Variants in SLC13A4 observed in about 807,000 individuals in gnomAD.
SLC13A4 encodes solute carrier family 13 member 4.
A neutral mutation model predicts 72.7 loss-of-function variants in SLC13A4; 28 were observed. That is an observed-to-expected ratio of 0.39 (90% confidence interval 0.29 to 0.53). The LOEUF (loss-of-function observed/expected upper bound fraction) is 0.53, where lower values mean the gene tolerates loss of function less well. Among genes scored for constraint, SLC13A4 ranks in the 20% least tolerant of loss-of-function variants. The pLI is 0.78. For missense variants in SLC13A4, 653 were observed against 788.0 expected, an observed-to-expected ratio of 0.83 and a Z score of 2.05; for synonymous variants, 312 against 325.5, an observed-to-expected ratio of 0.96 and a Z score of 0.45.
At chr7:135,684,686 AT>A (rs1243928884) in intron 14 of SLC13A4, among the ~76,000 whole-genome samples, 6 of 139,538 alleles carry the variant, frequency 4.3e-5, no homozygotes, top group South Asian at 2.4e-4. Flanking sequence ...TAATTGTTTT[AT>A]ATGGGATTTG....
At position 135,701,704 on chromosome 7, in the gene SLC13A4, C is replaced by T. The variant is rs1251810399; in HGVS notation, c.690G>A (p.Gln230=). The T allele has an allele frequency of 1.9e-6, 3 of 1,613,476 alleles. No individual in the cohort carries two copies. The African/African-American group carries it at 4.0e-5, about 22-fold the overall frequency. ...CCTGGGATGGGTGTTGCTTCTTGCC[C>T]TGGTGTTGGTTTGCAGTTTTGATGG... is the stretch of plus-strand genomic sequence containing the variant. ...TNPIKTANQH[Q]GKKQHPSQEK... Residue 230 remains glutamine (Q), a synonymous_variant, in exon 7 of 16, where the codon CAG becomes CAA. Transcript: ENST00000682651.
At chr7:135,706,036 C>T (rs1351152020) in intron 4 of SLC13A4, 92 bp downstream of exon 4, 1 of 1,329,554 alleles carries the variant, frequency 7.5e-7, no homozygotes, top group Non-Finnish European at 1.0e-6. Context: ...GGGGTGGGCA[C>T]AAAGTTGGGC....
rs4515484 is a variant in SLC13A4, at chr7:135,718,109, G to A, written c.228+3286C>T. On this transcript the variant is annotated intron_variant, in intron 2 of 15. Transcript: ENST00000682651. Reference sequence around the variant, plus strand: ...CACACGCGCGCGCGCGCACGCGTGCGCGCTAGTCTCCTCTTCGTTCTGTTT... The same window carrying A: ...CACACGCGCGCGCGCGCACGCGTGCACGCTAGTCTCCTCTTCGTTCTGTTT... 5.4e-3 allele frequency among the ~76,000 whole-genome samples: 714 copies of A among 132,730 alleles called. 18 individuals are homozygous for A. Among genetic ancestry groups the A allele is most frequent in the East Asian group, 0.053 (209 of 3,940 alleles). The allele number at this position is 132,730 out of a possible 152,430, so 87.1% of individuals were successfully genotyped here. A position where few individuals can be genotyped will look rare whatever the true frequency, so the allele number is the denominator to read the frequency against.
chr7:135,727,982 C>G lies in SLC13A4; in HGVS notation c.-486G>C, dbSNP rs1454376618. 6.6e-6 allele frequency: 1 copy of G among 152,644 alleles called. No individual in the cohort carries two copies. Among genetic ancestry groups the G allele is most frequent in the Admixed American group, 6.5e-5 (1 of 15,292 alleles). 9.5% of individuals were successfully genotyped at this position (152,644 alleles called of 1,614,324 possible). On this transcript the variant is annotated 5_prime_UTR_variant, in exon 1 of 16. An upstream start codon of the reference 5' UTR is lost. Coordinates refer to ENST00000682651, the MANE Select transcript of SLC13A4 (RefSeq NM_001318192.2). Reference sequence around the variant, plus strand: ...GACCTATTTTGGGGAGTACCTGTTTCATCTCCCACCTGGGCTCGCTGTTGG... The same window carrying G: ...GACCTATTTTGGGGAGTACCTGTTTGATCTCCCACCTGGGCTCGCTGTTGG...
At chr7:135,719,182 A>G (rs1796491527) in intron 2 of SLC13A4, among the ~76,000 whole-genome samples, 1 of 152,100 alleles carries the variant, frequency 6.6e-6, no homozygotes, top group Non-Finnish European at 1.5e-5. Context: ...TACCCTCCCA[A>G]GCGACTGCCT....
chr7:135,684,295 A>G, intron 14 of SLC13A4, 34 bp from the exon 15 acceptor site: 3 of 1,571,158 alleles, frequency 1.9e-6, no homozygotes, highest in Non-Finnish European at 2.6e-6. Context: ...CATTCACGAG[A>G]TTAGGCTTGC....
At position 135,688,561 on chromosome 7, in the gene SLC13A4, A is replaced by T. The variant is rs576161744; in HGVS notation, c.1446+2640T>A. Among the ~76,000 whole-genome samples the T allele has an allele frequency of 1.6e-4, 25 of 152,230 alleles. 1 individual carries two copies. In the South Asian group the frequency reaches 5.0e-3, roughly 30 times the overall value. Reference sequence around the variant, plus strand: ...CGTGAGTCACCATGCCCGGCCTAGTAAAGTGAAATAATTTATTGGCAATTA... The same window carrying T: ...CGTGAGTCACCATGCCCGGCCTAGTTAAGTGAAATAATTTATTGGCAATTA... On this transcript the variant is annotated intron_variant, in intron 13 of 15. Transcript: ENST00000682651.
intron 2 of SLC13A4, among the ~76,000 whole-genome samples, chr7:135,720,947 A>G (rs1796534910): frequency 6.6e-6 from 1 of 152,226 alleles, no homozygotes; most frequent in Non-Finnish European, 1.5e-5. Flanking sequence ...AAATAGGGTA[A>G]GTCTCTCTGT....
At position 135,701,733 on chromosome 7, in the gene SLC13A4, T is replaced by C; in HGVS notation, c.661A>G (p.Asn221Asp). 2 of 1,613,952 alleles carry C rather than the reference T, an allele frequency of 1.2e-6. No homozygotes were observed. The highest frequency in any genetic ancestry group is 1.7e-6 in the Non-Finnish European group (2 of 1,179,922). Reference protein sequence around the residue: ...ENLNGVPSITNPIKTANQHQG... With the variant: ...ENLNGVPSITDPIKTANQHQG... ...TGTTGGTTTGCAGTTTTGATGGGGT[T>C]GGTGATCGAGGGCACACCATTCAGG... The change falls in exon 7 of 16, where the codon AAC (asparagine) becomes GAC (aspartate). Residue 221 changes from asparagine (N) to aspartate (D), a missense_variant. Physicochemically the swap from Asn to Asp is conservative, Grantham distance 23. Transcript: ENST00000682651.
At chr7:135,710,954 A>G (rs1176101894) in intron 2 of SLC13A4, among the ~76,000 whole-genome samples, 3 of 116,058 alleles carry the variant, frequency 2.6e-5, no homozygotes, top group Non-Finnish European at 4.9e-5. Context: ...ACTCCGTGGC[A>G]GAGTCCACTC....
chr7:135,685,742 T>C, intron 13 of SLC13A4, 59 bp from the exon 14 acceptor site: 1 of 1,492,204 alleles, frequency 6.7e-7, no homozygotes. Context: ...CAGCTAGAGA[T>C]CTTAGACTTC....
intron 1 of SLC13A4, among the ~76,000 whole-genome samples, chr7:135,722,005 C>T (rs1796559358): frequency 6.6e-6 from 1 of 152,176 alleles, no homozygotes; most frequent in Non-Finnish European, 1.5e-5. Flanking sequence ...CTTTGGGAGG[C>T]CAAGGTGGGA....
intron 11 of SLC13A4, 178 bp downstream of exon 11, chr7:135,692,145 C>T (rs3112335): frequency 0.22 from 134,878 of 611,562 alleles, 16,917 homozygotes; most frequent in East Asian, 0.44. Flanking sequence ...AACCCCAGAC[C>T]GGGACTCCAA....
Position 135,702,833 on chromosome 7 carries a change from C to T in SLC13A4, c.633+12G>A. ...AGTGATTCCAAAGCACAGAAAAACCCCAAGGCCATACCTCGTTGTGCATCA... is the reference window on the plus strand; with the variant it reads ...AGTGATTCCAAAGCACAGAAAAACCTCAAGGCCATACCTCGTTGTGCATCA... On this transcript the variant is annotated intron_variant, in intron 6 of 15. Transcript: ENST00000682651. The T allele has an allele frequency of 1.9e-6, 3 of 1,612,850 alleles. No individual in the cohort carries two copies. Among genetic ancestry groups the T allele is most frequent in the East Asian group, 2.2e-5 (1 of 44,880 alleles).
chr7:135,723,440 G>C (rs2129495539), intron 1 of SLC13A4, among the ~76,000 whole-genome samples: 1 of 152,266 alleles, frequency 6.6e-6, no homozygotes, highest in Admixed American at 6.5e-5. Context: ...CCTTACTCTA[G>C]GGAGAGGCTG....
intron 13 of SLC13A4, among the ~76,000 whole-genome samples, chr7:135,687,979 T>A (rs1211420963): frequency 1.4e-5 from 2 of 141,234 alleles, no homozygotes; most frequent in Admixed American, 7.1e-5. Flanking sequence ...CCCGGCTAAA[T>A]TTTTTTTTTT....
At chr7:135,698,443 T>A (rs912507570) in intron 8 of SLC13A4, among the ~76,000 whole-genome samples, 1 of 148,148 alleles carries the variant, frequency 6.8e-6, no homozygotes, top group Non-Finnish European at 1.5e-5. Context: ...CAAGTGATTC[T>A]CCTGCCTCAG....
chr7:135,706,046 C>T lies in SLC13A4; in HGVS notation c.538+82G>A, dbSNP rs997238823. The T allele has an allele frequency of 5.7e-6, 8 of 1,404,084 alleles. No individual in the cohort carries two copies. In the East Asian group the frequency reaches 1.8e-4, roughly 32 times the overall value. 87.0% of individuals were successfully genotyped at this position (1,404,084 alleles called of 1,614,324 possible). ...GTCCTGGGGTGGGCACAAAGTTGGG[C>T]AGTCTCCCTAGAGGAGCCAGGCAGG... On this transcript the variant is annotated intron_variant, in intron 4 of 15. Transcript: ENST00000682651.
intron 1 of SLC13A4, among the ~76,000 whole-genome samples, chr7:135,725,786 C>T (rs1272097240): frequency 6.6e-6 from 1 of 151,900 alleles, no homozygotes; most frequent in African/African-American, 2.4e-5. Flanking sequence ...AGTGAAACCC[C>T]CATTTCTACA....
Sources: allele counts gnomAD v4.1 joint callset (sites outside exome capture counted in the v4.1 genomes callset), GRCh38; gene constraint gnomAD v4.1.1; transcripts MANE v1.5; gene names NCBI Gene and HGNC (gene_info 2026-07-23, HGNC 2026-07-21).